Variants in GAB3 observed in about 807,000 individuals in gnomAD.
GAB3 encodes GRB2 associated binding protein 3.
In GAB3, 12 loss-of-function variants were observed where a neutral mutation model predicts 40.4. The ratio of observed to expected loss-of-function variants is 0.30; its 90% CI spans 0.19 to 0.48. The LOEUF is 0.48. Ranked by LOEUF, GAB3 falls within the 20% of genes least tolerant of loss-of-function variation. The pLI, the probability that GAB3 is intolerant of heterozygous loss-of-function variation, is 0.99. For missense variants in GAB3, 381 were observed against 461.9 expected (o/e 0.82, Z 1.61); for synonymous variants, 154 against 176.7 (o/e 0.87, Z 1.02).
Position 154,712,411 on chromosome X carries a change from C to T in GAB3, c.887G>A (p.Cys296Tyr), listed in dbSNP as rs2070965103. The T allele has an allele frequency of 1.7e-6, 2 of 1,211,702 alleles. No individual in the cohort carries two copies. Among genetic ancestry groups the T allele is most frequent in the Admixed American group, 4.3e-5 (2 of 46,052 alleles). ...QVDKNQGSLP[C>Y]GAKELDIMSN... Reference sequence around the variant, plus strand: ...CATAATGTCTAGTTCTTTTGCTCCACAGGGTAAGGAACCTTGATTTTTATC... The same window carrying T: ...CATAATGTCTAGTTCTTTTGCTCCATAGGGTAAGGAACCTTGATTTTTATC... Residue 296 changes from cysteine to tyrosine, a missense_variant, in exon 4 of 10, where the codon TGT becomes TAT. Cys to Tyr is a radical substitution (Grantham distance 194, BLOSUM62 -2). Around this residue, in one of 2 missense-constraint regions of GAB3, gnomAD observed 364 missense variants for 421.0 expected, o/e 0.86. Coordinates refer to ENST00000424127, the MANE Select transcript of GAB3 (RefSeq NM_001081573.3).
At chrX:154,689,362 G>A (rs1250174112) in intron 8 of GAB3, among the ~76,000 whole-genome samples, 1 of 111,377 alleles carries the variant, frequency 9.0e-6, no homozygotes, top group Non-Finnish European at 1.9e-5. Context: ...GTACAAGACA[G>A]GGATGCCCTC....
chrX:154,699,265 C>T (rs782649381), intron 6 of GAB3, 29 bp downstream of exon 6: 2 of 1,129,748 alleles, frequency 1.8e-6, no homozygotes, highest in African/African-American at 3.6e-5. Flanking sequence ...TCCCCTACCC[C>T]TGTACAGCAG....
At chrX:154,697,906 C>T (rs782447049) in intron 6 of GAB3, among the ~76,000 whole-genome samples, 1 of 111,825 alleles carries the variant, frequency 8.9e-6, no homozygotes, top group Non-Finnish European at 1.9e-5. Context: ...ACCTCAGTGG[C>T]CCATCTTCTT....
At chrX:154,730,741 T>A (rs1447320281) in intron 1 of GAB3, among the ~76,000 whole-genome samples, 1 of 112,169 alleles carries the variant, frequency 8.9e-6, no homozygotes, top group Non-Finnish European at 1.9e-5. Flanking sequence ...AGGAGCAGGT[T>A]ACACACTTCT....
intron 9 of GAB3, chrX:154,678,966 G>A (rs1169599774): frequency 1.6e-5 from 4 of 247,310 alleles, no homozygotes; most frequent in African/African-American, 1.2e-4. Flanking sequence ...AGGATCACTT[G>A]AGCCCAGGAG....
chrX:154,680,527 G>A (rs1403183642), intron 8 of GAB3, among the ~76,000 whole-genome samples: 1 of 112,272 alleles, frequency 8.9e-6, no homozygotes, highest in Non-Finnish European at 1.9e-5. Context: ...AATCTGACAG[G>A]CCTGTGATAC....
intron 8 of GAB3, among the ~76,000 whole-genome samples, chrX:154,687,004 AC>A (rs1557247955): frequency 2.7e-5 from 3 of 109,616 alleles, no homozygotes. Flanking sequence ...AGCCTGGCCA[AC>A]ATGGTGAATC....
chrX:154,745,329 CT>C (rs1361326969), intron 1 of GAB3, among the ~76,000 whole-genome samples: 1 of 102,270 alleles, frequency 9.8e-6, no homozygotes, highest in East Asian at 3.0e-4. Flanking sequence ...GAGACTCAGT[CT>C]CAGAAAAAAA....
intron 8 of GAB3, among the ~76,000 whole-genome samples, chrX:154,689,191 A>G: frequency 8.9e-6 from 1 of 111,913 alleles, no homozygotes; most frequent in East Asian, 2.8e-4. Context: ...TAGATGCAGA[A>G]AAGGCCTTTG....
At chrX:154,721,847 CT>C (rs1307781675) in intron 1 of GAB3, among the ~76,000 whole-genome samples, 2 of 111,654 alleles carry the variant, frequency 1.8e-5, no homozygotes, top group Non-Finnish European at 3.8e-5. Flanking sequence ...ATGGAAAACA[CT>C]ATGGAGGTTC....
At chrX:154,685,062 CT>C (rs1432693914) in intron 8 of GAB3, among the ~76,000 whole-genome samples, 8 of 111,759 alleles carry the variant, frequency 7.2e-5, no homozygotes, top group African/African-American at 2.6e-4. Context: ...TGTGCTTAGT[CT>C]GTTTATCTCA....
At chrX:154,732,660 AG>A (rs1569558071) in intron 1 of GAB3, among the ~76,000 whole-genome samples, 1 of 111,570 alleles carries the variant, frequency 9.0e-6, no homozygotes, top group Non-Finnish European at 1.9e-5. Context: ...TAAGGGTGAG[AG>A]GGAAGAAAAG....
chrX:154,726,174 T>A (rs1371939166), intron 1 of GAB3, among the ~76,000 whole-genome samples: 3 of 111,727 alleles, frequency 2.7e-5, no homozygotes, highest in Non-Finnish European at 5.6e-5. Context: ...TTGAAACAGC[T>A]ATTATAACAT....
At chrX:154,685,922 T>C (rs1354386137) in intron 8 of GAB3, among the ~76,000 whole-genome samples, 1 of 111,756 alleles carries the variant, frequency 8.9e-6, no homozygotes, top group African/African-American at 3.3e-5. Flanking sequence ...CAAGGTGGTA[T>C]AATCCAAATG....
rs781954873 is a variant in GAB3 at position 154,713,241 on chromosome X, A to G, written c.562T>C (p.Ser188Pro). The part of the protein sequence containing the change: ...LLFLPDYLVL[S>P]NCETGRLHHT... ...TGCAGTCTTCCAGTCTCGCAGTTGGACAAAACCAGATAATCTGGAAGGAAG... is the reference window on the plus strand; with the variant it reads ...TGCAGTCTTCCAGTCTCGCAGTTGGGCAAAACCAGATAATCTGGAAGGAAG... Residue 188 changes from serine to proline, a missense_variant, in exon 3 of 10, where the codon TCC becomes CCC. Physicochemically the swap from Ser to Pro is moderately conservative, Grantham distance 74. Around this residue, in one of 2 missense-constraint regions of GAB3, gnomAD observed 364 missense variants for 421.0 expected, o/e 0.86. Coordinates refer to ENST00000424127, the MANE Select transcript of GAB3 (RefSeq NM_001081573.3). The G allele has an allele frequency of 1.7e-6, 2 of 1,208,773 alleles. No homozygotes were observed. The highest frequency in any genetic ancestry group is 2.2e-5 in the Admixed American group (1 of 45,710).
intron 1 of GAB3, among the ~76,000 whole-genome samples, chrX:154,718,161 A>C (rs782316149): frequency 9.0e-5 from 10 of 110,800 alleles, no homozygotes; most frequent in Non-Finnish European, 1.7e-4. Context: ...AAAAAGGAAA[A>C]GACACTATTT....
chrX:154,748,646 A>G (rs1017669904), intron 1 of GAB3, among the ~76,000 whole-genome samples: 2 of 112,653 alleles, frequency 1.8e-5, no homozygotes, highest in African/African-American at 6.5e-5. Flanking sequence ...AACAGCAAAC[A>G]TTGATGGAGT....
chrX:154,699,420 C>T lies in GAB3; in HGVS notation c.1219G>A (p.Gly407Arg), dbSNP rs2148434220. 5 of 1,211,188 alleles carry T rather than the reference C, an allele frequency of 4.1e-6. No individual in the cohort carries two copies. Among genetic ancestry groups the T allele is most frequent in the East Asian group, 3.0e-5 (1 of 33,839 alleles). ...TAGTCATCAGGGCTGCAGTGGGGTC[C>T]AAGACCAGAGGCACCAGCCTGGGGG... ...MSPQAGASGL[G>R]PHCSPDDYIP... Residue 407 changes from glycine (G) to arginine (R), a missense_variant, in exon 6 of 10, where the codon GGA becomes AGA. Transcript: ENST00000424127.
intron 1 of GAB3, among the ~76,000 whole-genome samples, chrX:154,746,963 A>G (rs2071538069): frequency 8.8e-6 from 1 of 112,995 alleles, no homozygotes; most frequent in South Asian, 3.6e-4. Context: ...CAAATAGATC[A>G]ATGGAACAGA....
Sources: allele counts gnomAD v4.1 joint callset (sites outside exome capture counted in the v4.1 genomes callset), GRCh38; gene constraint gnomAD v4.1.1; regional missense constraint gnomAD v4.1.1; transcripts MANE v1.5; gene names NCBI Gene and HGNC (gene_info 2026-07-23, HGNC 2026-07-21).